The following CNTN5 variants were observed in gnomAD, a reference collection of about 807,000 sequenced individuals.
CNTN5 encodes the protein contactin 5.
A neutral mutation model predicts 129.1 loss-of-function variants in CNTN5; 77 were observed. The observed-to-expected ratio is 0.60, with a 90% CI of 0.50 to 0.72. The LOEUF (loss-of-function observed/expected upper bound fraction) is 0.72. CNTN5 is among the 30% of genes least tolerant of loss of function. CNTN5 has a pLI of 0.00. For missense variants in CNTN5, 1,478 were observed against 1,328.8 expected (o/e 1.11, Z -1.75); for synonymous variants, 509 against 465.6 (o/e 1.09, Z -1.20).
At chr11:100,140,420 G>A (rs1758396643) in intron 13 of CNTN5, among the ~76,000 whole-genome samples, 1 of 152,114 alleles carries the variant, frequency 6.6e-6, no homozygotes, top group Admixed American at 6.6e-5. Flanking sequence ...AACTCATCAT[G>A]GAATTTAAGC....
intron 1 of CNTN5, among the ~76,000 whole-genome samples, chr11:99,170,558 T>C (rs1160258741): frequency 6.6e-6 from 1 of 152,136 alleles, no homozygotes; most frequent in African/African-American, 2.4e-5. Flanking sequence ...TTCCCAATAG[T>C]AAAAAGGATA....
intron 1 of CNTN5, among the ~76,000 whole-genome samples, chr11:99,098,228 A>C (rs1866565316): frequency 1.3e-5 from 2 of 152,182 alleles, no homozygotes; most frequent in East Asian, 3.9e-4. Flanking sequence ...TGACTTACTT[A>C]CTGATGAATG....
At chr11:99,194,165 T>C (rs1243587410) in intron 1 of CNTN5, among the ~76,000 whole-genome samples, 5 of 151,696 alleles carry the variant, frequency 3.3e-5, no homozygotes, top group Admixed American at 2.6e-4. Flanking sequence ...TTTGAGGAAA[T>C]CCTCCAAAGC....
chr11:99,869,482 ATTAC>A (rs1255320997), intron 6 of CNTN5, among the ~76,000 whole-genome samples: 1 of 152,178 alleles, frequency 6.6e-6, no homozygotes, highest in Non-Finnish European at 1.5e-5. Flanking sequence ...TTAAACTGAG[ATTAC>A]TTAAGAATTT....
chr11:99,689,253 C>A lies in CNTN5; in HGVS notation c.56-130291C>A, dbSNP rs986148445. Reference sequence around the variant, plus strand: ...GGTAAAAGCATTCCTGAGGGCCGGGCGTGGTGGCTCACGCCTGTAATCCCA... The same window carrying A: ...GGTAAAAGCATTCCTGAGGGCCGGGAGTGGTGGCTCACGCCTGTAATCCCA... On this transcript the variant is annotated intron_variant, in intron 3 of 24. Coordinates refer to ENST00000524871, the MANE Select transcript of CNTN5 (RefSeq NM_014361.4). Among the ~76,000 whole-genome samples the A allele has an allele frequency of 2.6e-5, 4 of 152,008 alleles. No homozygotes were observed. The South Asian group carries it at 8.3e-4, about 32-fold the overall frequency.
At chr11:99,885,846 G>A (rs1282397228) in intron 6 of CNTN5, among the ~76,000 whole-genome samples, 1 of 152,090 alleles carries the variant, frequency 6.6e-6, no homozygotes, top group East Asian at 1.9e-4. Flanking sequence ...AATTGAAAAT[G>A]TTGCAAAAAG....
chr11:99,199,015 A>G (rs1360008552), intron 1 of CNTN5, among the ~76,000 whole-genome samples: 1 of 152,164 alleles, frequency 6.6e-6, no homozygotes, highest in African/African-American at 2.4e-5. Context: ...AAGGAGGAAT[A>G]AAGAAGGAAT....
At chr11:99,419,948 T>TG (rs1167332817) in intron 2 of CNTN5, among the ~76,000 whole-genome samples, 1 of 151,768 alleles carries the variant, frequency 6.6e-6, no homozygotes, top group East Asian at 1.9e-4. Flanking sequence ...TGTATGATAG[T>TG]GAAAAAAAGG....
intron 3 of CNTN5, among the ~76,000 whole-genome samples, chr11:99,782,261 A>T (rs1945338500): frequency 6.8e-6 from 1 of 146,698 alleles, no homozygotes; most frequent in Admixed American, 6.8e-5. Context: ...CTAGGAATCC[A>T]ACTTACAAGG....
At chr11:99,943,386 T>A (rs1364178812) in intron 7 of CNTN5, among the ~76,000 whole-genome samples, 1 of 152,086 alleles carries the variant, frequency 6.6e-6, no homozygotes, top group African/African-American at 2.4e-5. Context: ...TGGGGTTGTG[T>A]TTTTTCTTGT....
intron 3 of CNTN5, among the ~76,000 whole-genome samples, chr11:99,565,773 C>G (rs561981772): frequency 6.6e-6 from 1 of 152,214 alleles, no homozygotes; most frequent in South Asian, 2.1e-4. Flanking sequence ...GATTTCCCCC[C>G]ATGCATGTTA....
chr11:99,537,787 C>T (rs1310751431), intron 2 of CNTN5, among the ~76,000 whole-genome samples: 3 of 152,058 alleles, frequency 2.0e-5, no homozygotes, highest in Non-Finnish European at 4.4e-5. Context: ...CACAGTACCC[C>T]GTGGACACGA....
intron 2 of CNTN5, among the ~76,000 whole-genome samples, chr11:99,457,133 A>G (rs1944525520): frequency 6.6e-6 from 1 of 151,970 alleles, no homozygotes; most frequent in African/African-American, 2.4e-5. Flanking sequence ...GTGTATATAA[A>G]TATATATTCA....
Position 99,275,197 on chromosome 11 carries a change from T to TA in CNTN5, c.-209-50140dup, listed in dbSNP as rs145944861. 1.3e-3 allele frequency among the ~76,000 whole-genome samples: 194 copies of TA among 150,548 alleles called. 6 individuals are homozygous for TA. The East Asian group carries it at 0.035, about 27-fold the overall frequency. On this transcript the variant is annotated intron_variant, in intron 1 of 24. Transcript: ENST00000524871. Reference sequence around the variant, plus strand: ...TTGACAAGCCAAGTTCATTGATATATAAAAAAAAACTCAATCAACAAACAC... The same window carrying TA: ...TTGACAAGCCAAGTTCATTGATATATAAAAAAAAAACTCAATCAACAAACAC...
chr11:99,637,647 C>T (rs183337664), intron 3 of CNTN5, among the ~76,000 whole-genome samples: 2 of 151,910 alleles, frequency 1.3e-5, no homozygotes, highest in African/African-American at 4.8e-5. Flanking sequence ...AAACTTCTCA[C>T]GTTTTTTGAG....
In CNTN5 at chr11:100,074,068, C is replaced by A; in HGVS notation, c.1430-76C>A. On this transcript the variant is annotated intron_variant, in intron 12 of 24. Coordinates refer to ENST00000524871, the MANE Select transcript of CNTN5 (RefSeq NM_014361.4). ...AAATGCCTCCCAGAAGAAAAAGTTACAAGATCTTCATGAATCACCCATTAG... is the reference window on the plus strand; with the variant it reads ...AAATGCCTCCCAGAAGAAAAAGTTAAAAGATCTTCATGAATCACCCATTAG... The A allele has an allele frequency of 2.9e-6, 4 of 1,363,360 alleles. No homozygotes were observed. The Admixed American group carries it at 7.2e-5, about 25-fold the overall frequency. The allele number at this position is 1,363,360 out of a possible 1,614,324, so 84.5% of individuals were successfully genotyped here. A position where few individuals can be genotyped will look rare whatever the true frequency, so the allele number is the denominator to read the frequency against.
At chr11:99,483,060 C>T (rs1437131081) in intron 2 of CNTN5, among the ~76,000 whole-genome samples, 3 of 151,232 alleles carry the variant, frequency 2.0e-5, no homozygotes, top group African/African-American at 7.3e-5. Context: ...CCAGTAGTCC[C>T]AGCTACTGGG....
chr11:100,151,712 A>AGAT (rs1947066500), intron 13 of CNTN5, among the ~76,000 whole-genome samples: 2 of 152,194 alleles, frequency 1.3e-5, no homozygotes, highest in South Asian at 4.1e-4. Flanking sequence ...TGTGCAATTT[A>AGAT]GATAGATATG....
intron 7 of CNTN5, among the ~76,000 whole-genome samples, chr11:99,937,695 A>G (rs1044312027): frequency 6.6e-6 from 1 of 152,214 alleles, no homozygotes; most frequent in Non-Finnish European, 1.5e-5. Flanking sequence ...TTAGGACATG[A>G]ACTCTCTCTC....
Sources: gnomAD v4.1 joint callset for allele counts (sites outside exome capture counted in the v4.1 genomes callset) on GRCh38, gnomAD v4.1.1 for gene constraint, MANE v1.5 for transcripts, NCBI Gene and HGNC (gene_info 2026-07-23, HGNC 2026-07-21) for gene names.